The following TRIM25 variants were observed in gnomAD, a reference collection of about 807,000 sequenced individuals.
The protein encoded by TRIM25 is tripartite motif containing 25.
Under a neutral mutation model 65.2 loss-of-function variants are expected in TRIM25, and 45 were observed. The ratio of observed to expected loss-of-function variants is 0.69; its 90% CI spans 0.54 to 0.89. The LOEUF is 0.89. Ranked by LOEUF, TRIM25 falls within the 40% of genes least tolerant of loss-of-function variation. TRIM25 has a pLI of 0.00. For missense variants in TRIM25, 714 were observed against 803.7 expected (o/e 0.89, Z 1.35); for synonymous variants, 321 against 340.4 (o/e 0.94, Z 0.63).
At chr17:56,911,472 C>T (rs536316237) in intron 1 of TRIM25, among the ~76,000 whole-genome samples, 220 of 151,092 alleles carry the variant, frequency 1.5e-3, no homozygotes, top group African/African-American at 3.2e-3. Flanking sequence ...CCCAGCTGCT[C>T]GGGAGGTTGA....
intron 6 of TRIM25, 157 bp downstream of exon 6, chr17:56,895,768 TC>T: frequency 8.5e-7 from 1 of 1,180,732 alleles, no homozygotes; most frequent in Non-Finnish European, 1.2e-6. Context: ...CTTATGCTTG[TC>T]CTCCCCTCCA....
chr17:56,909,599 C>T (rs567193233), intron 1 of TRIM25, among the ~76,000 whole-genome samples: 2 of 151,004 alleles, frequency 1.3e-5, no homozygotes, highest in Admixed American at 6.6e-5. Flanking sequence ...GCAGGAGGAT[C>T]GCTTGATTCC....
rs553958376 is a variant in TRIM25, at chr17:56,901,299, C to T, written c.1087+120G>A. 87 of 1,128,800 alleles carry T rather than the reference C, an allele frequency of 7.7e-5. 1 individual carries two copies. The South Asian group carries it at 1.3e-3, about 17-fold the overall frequency. 69.9% of individuals were successfully genotyped at this position (1,128,800 alleles called of 1,614,324 possible). A position where few individuals can be genotyped will look rare whatever the true frequency, so the allele number is the denominator to read the frequency against. The stretch of plus-strand genomic sequence containing the variant: ...AGACAGAGGGCGGATGTTTCAGGAG[C>T]CCTGAAACTCAGGCCCCAGTGCTCG... On this transcript the variant is annotated intron_variant, in intron 4 of 8. Transcript: ENST00000316881.
In TRIM25 at chr17:56,888,742, T is replaced by C. The variant is rs1403907560; in HGVS notation, c.*2958A>G. ...TCAAAAGCTTCCCGAAGAGGAACTC[T>C]ATATAGGGCAGGACTAAGTGTGCTG... On this transcript the variant is annotated 3_prime_UTR_variant, in exon 9 of 9. Coordinates refer to ENST00000316881, the MANE Select transcript of TRIM25 (RefSeq NM_005082.5). The C allele has an allele frequency of 1.3e-5, 2 of 152,214 alleles. No homozygotes were observed. Among genetic ancestry groups the C allele is most frequent in the South Asian group, 2.1e-4 (1 of 4,834 alleles). 9.4% of individuals were successfully genotyped at this position (152,214 alleles called of 1,614,324 possible). A position where few individuals can be genotyped will look rare whatever the true frequency, so the allele number is the denominator to read the frequency against.
chr17:56,912,597 A>T (rs1909651413), intron 1 of TRIM25, among the ~76,000 whole-genome samples: 1 of 152,116 alleles, frequency 6.6e-6, no homozygotes, highest in Non-Finnish European at 1.5e-5. Context: ...GACTCTACGG[A>T]CCTGGATACG....
Position 56,913,840 on chromosome 17 carries a change from C to T in TRIM25, c.149G>A (p.Cys50Tyr), listed in dbSNP as rs1448240224. 1 of 1,561,738 alleles carries T rather than the reference C, an allele frequency of 6.4e-7. No individual in the cohort carries two copies. The highest frequency in any genetic ancestry group is 1.2e-5 in the South Asian group (1 of 85,568). Residue 50 changes from cysteine (C) to tyrosine (Y), a missense_variant, in exon 1 of 9, where the codon TGC (cysteine) becomes TAC (tyrosine). Around this residue, in one of 3 missense-constraint regions of TRIM25, gnomAD observed 291 missense variants for 281.8 expected, o/e 1.03. Transcript: ENST00000316881. This position sits in a 1 kb window ranked among gnomAD's most constrained non-coding sequence, Gnocchi z 6.1. ...CTGGTAGACGGCGCGGCACTGCGGGCACAGGTATGGCGAGCCCTGGACTGC... is the reference window on the plus strand; with the variant it reads ...CTGGTAGACGGCGCGGCACTGCGGGTACAGGTATGGCGAGCCCTGGACTGC... ...TWAVQGSPYLCPQCRAVYQAR... is the reference protein window; with the variant it reads ...TWAVQGSPYLYPQCRAVYQAR...
chr17:56,895,491 C>T (rs1467012855), intron 7 of TRIM25, 30 bp downstream of exon 7: 1 of 1,613,978 alleles, frequency 6.2e-7, no homozygotes, highest in Non-Finnish European at 8.5e-7. Flanking sequence ...AGAGTGGACA[C>T]CCCAAAGCTC....
intron 3 of TRIM25, among the ~76,000 whole-genome samples, chr17:56,902,884 G>A (rs1353520592): frequency 6.6e-6 from 1 of 152,214 alleles, no homozygotes; most frequent in African/African-American, 2.4e-5. Context: ...ATGGTAACAG[G>A]TGAGTTCTTG....
chr17:56,891,997 G>A lies in TRIM25; in HGVS notation c.1596C>T (p.Ser532=), dbSNP rs1909183876. The change falls in exon 9 of 9, where the codon AGC becomes AGT. Residue 532 remains serine, a synonymous_variant. Transcript: ENST00000316881. ...TGCTTTCTGGGCCCTGCCGGTTCAT[G>A]CTTCCGTAGCAGATGCCTACCCCAC... ...NFCGVGICYG[S]MNRQGPESRL... 2 of 1,614,078 alleles carry A rather than the reference G, an allele frequency of 1.2e-6. No homozygotes were observed. Among genetic ancestry groups the A allele is most frequent in the African/African-American group, 2.7e-5 (2 of 74,934 alleles).
rs1567836770 is a variant in TRIM25 at position 56,890,669 on chromosome 17, T to C, written c.*1031A>G. On this transcript the variant is annotated 3_prime_UTR_variant, in exon 9 of 9. Transcript: ENST00000316881. Reference sequence around the variant, plus strand: ...GATCCAGCTTAGCTGGAGGCTTGACTGTGCTAGCCTCGGTGGTACCTGCAC... The same window carrying C: ...GATCCAGCTTAGCTGGAGGCTTGACCGTGCTAGCCTCGGTGGTACCTGCAC... 1 of 456,710 alleles carries C rather than the reference T, an allele frequency of 2.2e-6. No individual in the cohort carries two copies. The highest frequency in any genetic ancestry group is 4.4e-6 in the Non-Finnish European group (1 of 226,962). 28.3% of individuals were successfully genotyped at this position (456,710 alleles called of 1,614,324 possible). A position where few individuals can be genotyped will look rare whatever the true frequency, so the allele number is the denominator to read the frequency against.
rs762199393 is a variant in TRIM25 at position 56,892,057 on chromosome 17, G to C, written c.1536C>G (p.His512Gln). The C allele has an allele frequency of 1.2e-6, 2 of 1,614,188 alleles. No individual in the cohort carries two copies. The highest frequency in any genetic ancestry group is 1.7e-5 in the Admixed American group (1 of 60,024). Residue 512 changes from histidine (H) to glutamine (Q), a missense_variant, in exon 9 of 9, where the codon CAC becomes CAG. Transcript: ENST00000316881. ...TCTTCTGCAGCTCCACCTCCCAGTA[G>C]TGGATCCCCTTCTTGTAGCAGTGCA... ...LGLHCYKKGI[H>Q]YWEVELQKNN...
In TRIM25 at chr17:56,892,230, C is replaced by A. The variant is rs775024053; in HGVS notation, c.1364-1G>T. On this transcript the variant is annotated splice_acceptor_variant, in intron 8 of 8. Coordinates refer to ENST00000316881, the MANE Select transcript of TRIM25 (RefSeq NM_005082.5). LOFTEE classifies it high-confidence loss of function. Reference sequence around the variant, plus strand: ...TAGTCCAGGATGACTTTAATGTAATCTGAGAAAACATCACCCCAAGGAATT... The same window carrying A: ...TAGTCCAGGATGACTTTAATGTAATATGAGAAAACATCACCCCAAGGAATT... 9 of 1,584,506 alleles carry A rather than the reference C, an allele frequency of 5.7e-6. No homozygotes were observed. The highest frequency in any genetic ancestry group is 3.4e-6 in the Non-Finnish European group (4 of 1,161,538).
At chr17:56,908,761 C>T in intron 1 of TRIM25, 198 bp from the exon 2 acceptor site, 1 of 585,914 alleles carries the variant, frequency 1.7e-6, no homozygotes, top group Non-Finnish European at 3.1e-6. Context: ...TCCCTTCATC[C>T]TTTTCAGAGG....
intron 5 of TRIM25, chr17:56,898,837 C>G (rs899058464): frequency 5.3e-6 from 2 of 377,524 alleles, no homozygotes; most frequent in Non-Finnish European, 9.7e-6. Context: ...TCTCCTTGCC[C>G]AAGGCTCTGC....
chr17:56,894,404 A>G (rs1909244298), intron 8 of TRIM25, among the ~76,000 whole-genome samples: 1 of 152,122 alleles, frequency 6.6e-6, no homozygotes, highest in Non-Finnish European at 1.5e-5. Flanking sequence ...ATGTGCCACC[A>G]CGCCCGGCTA....
chr17:56,896,835 T>A (rs1909303964), intron 5 of TRIM25, among the ~76,000 whole-genome samples: 1 of 152,078 alleles, frequency 6.6e-6, no homozygotes, highest in Non-Finnish European at 1.5e-5. Context: ...TCAGGCACTG[T>A]AGCTTACTCC....
chr17:56,896,693 AG>A (rs1185920574), intron 5 of TRIM25, among the ~76,000 whole-genome samples: 1 of 151,696 alleles, frequency 6.6e-6, no homozygotes, highest in East Asian at 1.9e-4. Context: ...ATGCTTGCCA[AG>A]TCTTTTAAAA....
intron 3 of TRIM25, among the ~76,000 whole-genome samples, chr17:56,902,132 G>T (rs1021882875): frequency 6.6e-6 from 1 of 152,164 alleles, no homozygotes; most frequent in Non-Finnish European, 1.5e-5. Context: ...TCGAGAGCTC[G>T]GGGCAGCTGC....
At chr17:56,906,419 A>G (rs1403828509) in intron 2 of TRIM25, among the ~76,000 whole-genome samples, 1 of 152,246 alleles carries the variant, frequency 6.6e-6, no homozygotes, top group Non-Finnish European at 1.5e-5. Context: ...AATAGCTCAG[A>G]ATCAAACATA....
Sources: gnomAD v4.1 joint callset for allele counts (sites outside exome capture counted in the v4.1 genomes callset) on GRCh38, gnomAD v4.1.1 for gene constraint, gnomAD v4.1.1 regional missense constraint, Gnocchi (gnomAD v3.1) non-coding constraint, MANE v1.5 for transcripts, NCBI Gene and HGNC (gene_info 2026-07-23, HGNC 2026-07-21) for gene names.